CNTN5: variants seen among roughly 807,000 people sequenced by gnomAD.
CNTN5 encodes contactin-5.
In CNTN5, 77 loss-of-function variants were observed where a neutral mutation model predicts 129.1. The observed-to-expected ratio is 0.60, with a 90% CI of 0.50 to 0.72. CNTN5 has a LOEUF of 0.72. CNTN5 is among the 30% of genes least tolerant of loss of function. The pLI, the probability that CNTN5 is intolerant of heterozygous loss-of-function variation, is 0.00. For missense variants in CNTN5, 1,478 were observed against 1,328.8 expected, an observed-to-expected ratio of 1.11 and a Z score of -1.75; for synonymous variants, 509 against 465.6, an observed-to-expected ratio of 1.09 and a Z score of -1.20.
intron 3 of CNTN5, among the ~76,000 whole-genome samples, chr11:99,816,951 C>G (rs919077586): frequency 1.3e-5 from 2 of 152,170 alleles, no homozygotes; most frequent in Non-Finnish European, 2.9e-5. Context: ...GAGCTAATCA[C>G]TAATGAACTT....
intron 1 of CNTN5, among the ~76,000 whole-genome samples, chr11:99,093,920 G>A (rs764097329): frequency 2.6e-5 from 4 of 151,652 alleles, no homozygotes; most frequent in Non-Finnish European, 5.9e-5. Flanking sequence ...GGCCATACTC[G>A]ATCACTTCAA....
At chr11:100,297,762 A>T (rs1951127378) in intron 19 of CNTN5, 67 bp downstream of exon 19, 9 of 1,207,930 alleles carry the variant, frequency 7.5e-6, no homozygotes, top group Non-Finnish European at 8.3e-6. Flanking sequence ...ATATTTAATT[A>T]TTTTATGATT....
At chr11:99,405,009 T>A (rs4444047) in intron 2 of CNTN5, among the ~76,000 whole-genome samples, 11,620 of 152,032 alleles carry the variant, frequency 0.076, 511 homozygotes, top group Non-Finnish European at 0.096. Context: ...AGGTAAAACT[T>A]TTTTTTTCCT....
chr11:100,108,735 T>C (rs1319543182), intron 13 of CNTN5, among the ~76,000 whole-genome samples: 1 of 152,116 alleles, frequency 6.6e-6, no homozygotes, highest in Non-Finnish European at 1.5e-5. Flanking sequence ...TTAACTTTTA[T>C]ATTATTATAT....
intron 1 of CNTN5, among the ~76,000 whole-genome samples, chr11:99,208,202 A>G (rs1379777718): frequency 6.6e-6 from 1 of 152,164 alleles, no homozygotes; most frequent in Non-Finnish European, 1.5e-5. Context: ...ACTGCATGCA[A>G]TTCAAATGAT....
At chr11:99,948,937 A>G (rs1398990050) in intron 7 of CNTN5, among the ~76,000 whole-genome samples, 1 of 152,192 alleles carries the variant, frequency 6.6e-6, no homozygotes, top group Non-Finnish European at 1.5e-5. Context: ...GCAGCTAATA[A>G]CTTATGGATA....
At chr11:99,650,893 C>A (rs1012700574) in intron 3 of CNTN5, among the ~76,000 whole-genome samples, 7 of 151,946 alleles carry the variant, frequency 4.6e-5, no homozygotes, top group African/African-American at 1.7e-4. Flanking sequence ...GCAATTTGGG[C>A]AATTAGGCCC....
chr11:99,440,479 C>T (rs7948748), intron 2 of CNTN5, among the ~76,000 whole-genome samples: 25,623 of 151,906 alleles, frequency 0.17, 2,435 homozygotes, highest in Non-Finnish European at 0.22. Context: ...AAATAGTCAA[C>T]TTAGGTTGTC....
At chr11:99,775,742 T>A (rs1403596571) in intron 3 of CNTN5, among the ~76,000 whole-genome samples, 1 of 152,016 alleles carries the variant, frequency 6.6e-6, no homozygotes, top group Non-Finnish European at 1.5e-5. Context: ...CACGTTATGA[T>A]AATAATGCTA....
intron 18 of CNTN5, among the ~76,000 whole-genome samples, chr11:100,287,293 G>C (rs1348881063): frequency 2.0e-5 from 3 of 151,898 alleles, no homozygotes; most frequent in South Asian, 2.1e-4. Context: ...GCAACTCCAA[G>C]ACACATAATT....
chr11:99,656,141 G>T (rs1952355266), intron 3 of CNTN5, among the ~76,000 whole-genome samples: 1 of 151,912 alleles, frequency 6.6e-6, no homozygotes, highest in South Asian at 2.1e-4. Context: ...AAATTTATTT[G>T]CAGTCATAGA....
At chr11:100,345,319 C>A (rs1352855574) in intron 23 of CNTN5, among the ~76,000 whole-genome samples, 3 of 152,074 alleles carry the variant, frequency 2.0e-5, no homozygotes, top group Non-Finnish European at 2.9e-5. Flanking sequence ...GGGCCAACAA[C>A]CACGAGAAGC....
At chr11:99,575,476 C>T (rs562636055) in intron 3 of CNTN5, among the ~76,000 whole-genome samples, 18 of 152,248 alleles carry the variant, frequency 1.2e-4, no homozygotes, top group African/African-American at 4.3e-4. Context: ...TACTAAGTGA[C>T]AGAAACTCAG....
At chr11:99,349,028 A>G (rs1454549094) in intron 2 of CNTN5, among the ~76,000 whole-genome samples, 1 of 152,222 alleles carries the variant, frequency 6.6e-6, no homozygotes, top group African/African-American at 2.4e-5. Context: ...TTCAACCAAC[A>G]CACAAAATGA....
chr11:99,360,364 GCTC>G (rs1431570492), intron 2 of CNTN5, among the ~76,000 whole-genome samples: 2 of 152,184 alleles, frequency 1.3e-5, no homozygotes, highest in Non-Finnish European at 2.9e-5. Flanking sequence ...TTAGGGGATT[GCTC>G]TAGTGGGTCT....
intron 6 of CNTN5, among the ~76,000 whole-genome samples, chr11:99,904,091 A>G (rs1303979121): frequency 2.0e-5 from 3 of 152,144 alleles, no homozygotes; most frequent in African/African-American, 7.2e-5. Context: ...CAAATATTGT[A>G]TATAGTTCTA....
chr11:100,155,015 TTTAGTTTAATTAGATCCCA>T (rs1213866576), intron 13 of CNTN5, among the ~76,000 whole-genome samples: 3 of 152,156 alleles, frequency 2.0e-5, no homozygotes, highest in Non-Finnish European at 2.9e-5. Context: ...GCAGAAACTC[TTTAGTTTAATTAGATCCCA>T]TTAGTCAATT....
intron 6 of CNTN5, among the ~76,000 whole-genome samples, chr11:99,888,534 G>T (rs1948959622): frequency 6.6e-6 from 1 of 152,098 alleles, no homozygotes; most frequent in Admixed American, 6.6e-5. Context: ...AACATGGCAG[G>T]GTACCATCGG....
intron 7 of CNTN5, among the ~76,000 whole-genome samples, chr11:99,942,393 AGG>A (rs1312175078): frequency 6.6e-6 from 1 of 152,008 alleles, no homozygotes; most frequent in African/African-American, 2.4e-5. Context: ...GAGAATGAAA[AGG>A]GGGAATATTA....
Sources: gnomAD v4.1 joint callset for allele counts (sites outside exome capture counted in the v4.1 genomes callset) on GRCh38, gnomAD v4.1.1 for gene constraint, MANE v1.5 for transcripts, NCBI Gene and HGNC (gene_info 2026-07-23, HGNC 2026-07-21) for gene names.